Variants in PTPRD observed in about 807,000 individuals in gnomAD.
PTPRD encodes the protein protein tyrosine phosphatase receptor type D.
In PTPRD, 34 loss-of-function variants were observed where a neutral mutation model predicts 214.5. The ratio of observed to expected loss-of-function variants is 0.16; its 90% confidence interval spans 0.12 to 0.21. The LOEUF (loss-of-function observed/expected upper bound fraction) is 0.21. PTPRD is among the 10% of genes least tolerant of loss of function. PTPRD has a pLI of 1.00. For synonymous variants in PTPRD, 1,128 were observed against 845.7 expected (o/e 1.33, Z -5.79); for missense variants, 2,545 against 2,398.7 (o/e 1.06, Z -1.27).
chr9:8,331,704 C>G lies in PTPRD; in HGVS notation c.5412G>C (p.Gln1804His), dbSNP rs764915546. Residue 1804 changes from glutamine to histidine, a missense_variant, in exon 44 of 46, where the codon CAG becomes CAC. Transcript: ENST00000381196. ...CTCCTTGCTCTGGCCAGTCAGTGAACTGGAACTGCCTTACTGTTCGGGACT... is the reference window on the plus strand; with the variant it reads ...CTCCTTGCTCTGGCCAGTCAGTGAAGTGGAACTGCCTTACTGTTCGGGACT... ...DGQSRTVRQF[Q>H]FTDWPEQGVP... 1 of 1,613,068 alleles carries G rather than the reference C, an allele frequency of 6.2e-7. No individual in the cohort carries two copies. Among genetic ancestry groups the G allele is most frequent in the Non-Finnish European group, 8.5e-7 (1 of 1,179,546 alleles).
chr9:8,610,650 A>G (rs894347728), intron 14 of PTPRD, among the ~76,000 whole-genome samples: 7 of 152,204 alleles, frequency 4.6e-5, no homozygotes, highest in African/African-American at 1.7e-4. Context: ...ATTTACTCAT[A>G]AATATTCAGT....
chr9:8,795,078 C>T (rs1474288045), intron 11 of PTPRD, among the ~76,000 whole-genome samples: 1 of 152,022 alleles, frequency 6.6e-6, no homozygotes, highest in Non-Finnish European at 1.5e-5. Flanking sequence ...CTTCCGCATT[C>T]ATTTAAAGGC....
At chr9:10,326,638 A>C (rs2096648340) in intron 3 of PTPRD, among the ~76,000 whole-genome samples, 1 of 151,638 alleles carries the variant, frequency 6.6e-6, no homozygotes, top group Non-Finnish European at 1.5e-5. Context: ...TGAAAATATC[A>C]AAAATTATTG....
chr9:9,026,472 G>A (rs919516687), intron 10 of PTPRD, among the ~76,000 whole-genome samples: 4 of 151,986 alleles, frequency 2.6e-5, no homozygotes, highest in Non-Finnish European at 5.9e-5. Flanking sequence ...CTGTTAGACA[G>A]TTTAAGAAAC....
At chr9:10,490,433 T>C (rs1259340674) in intron 2 of PTPRD, among the ~76,000 whole-genome samples, 1 of 152,190 alleles carries the variant, frequency 6.6e-6, no homozygotes, top group Non-Finnish European at 1.5e-5. Flanking sequence ...AGGTCTTGTA[T>C]ATTATGCTTG....
intron 32 of PTPRD, among the ~76,000 whole-genome samples, chr9:8,461,378 G>A (rs2096396679): frequency 6.6e-6 from 1 of 152,186 alleles, no homozygotes; most frequent in South Asian, 2.1e-4. Flanking sequence ...GTTACTTGGA[G>A]AAGAAATGGA....
chr9:10,309,978 A>C (rs1210166451), intron 3 of PTPRD, among the ~76,000 whole-genome samples: 1 of 152,122 alleles, frequency 6.6e-6, no homozygotes, highest in Non-Finnish European at 1.5e-5. Context: ...TAATGAAATA[A>C]TATGTTCAGA....
In PTPRD at chr9:9,760,653, C is replaced by CAT. The variant is rs142175928; in HGVS notation, c.-326+6155_-326+6156dup. On this transcript the variant is annotated intron_variant, in intron 6 of 45. Transcript: ENST00000381196. ...ACACACACACACACACACACACACA[C>CAT]ATATATATATATATTCCAGCACTGT... 2.1e-3 allele frequency among the ~76,000 whole-genome samples: 126 copies of CAT among 61,358 alleles called. 2 individuals are homozygous for CAT. Among genetic ancestry groups the CAT allele is most frequent in the Middle Eastern group, 0.013 (1 of 80 alleles). The allele number at this position is 61,358 out of a possible 152,430, so 40.3% of individuals were successfully genotyped here.
chr9:8,455,094 A>G (rs950998398), intron 33 of PTPRD, among the ~76,000 whole-genome samples: 1 of 152,222 alleles, frequency 6.6e-6, no homozygotes, highest in Non-Finnish European at 1.5e-5. Flanking sequence ...GTATTGAACT[A>G]TACAGAAATT....
At chr9:9,457,442 A>T (rs909906979) in intron 8 of PTPRD, among the ~76,000 whole-genome samples, 2 of 151,980 alleles carry the variant, frequency 1.3e-5, no homozygotes, top group African/African-American at 4.8e-5. Context: ...TGAAAAATAT[A>T]ATTCTGTGTT....
chr9:9,625,403 C>T (rs960770710), intron 7 of PTPRD, among the ~76,000 whole-genome samples: 1 of 152,208 alleles, frequency 6.6e-6, no homozygotes, highest in East Asian at 1.9e-4. Context: ...GCTAGGAGTA[C>T]GTCTTCGCAC....
At chr9:9,047,415 T>C (rs879088946) in intron 10 of PTPRD, among the ~76,000 whole-genome samples, 1 of 152,058 alleles carries the variant, frequency 6.6e-6, no homozygotes, top group Non-Finnish European at 1.5e-5. Flanking sequence ...TAAAATTTCT[T>C]TGGAACCACA....
chr9:10,039,756 T>C (rs7856447), intron 3 of PTPRD, among the ~76,000 whole-genome samples: 32,972 of 151,728 alleles, frequency 0.22, 4,286 homozygotes, highest in East Asian at 0.5. Context: ...CCCCTTCTGA[T>C]TGAGATATAT....
intron 6 of PTPRD, among the ~76,000 whole-genome samples, chr9:9,755,741 T>C (rs1050208966): frequency 6.1e-4 from 93 of 152,088 alleles, no homozygotes; most frequent in Admixed American, 6.0e-3. Flanking sequence ...GAGGTTCTGA[T>C]ACAGCATAGG....
intron 3 of PTPRD, among the ~76,000 whole-genome samples, chr9:10,187,382 A>G (rs2099340956): frequency 1.3e-5 from 2 of 152,152 alleles, no homozygotes; most frequent in South Asian, 4.1e-4. Flanking sequence ...CCTGACTTTT[A>G]TTATATTAGG....
At chr9:10,029,296 T>A (rs951312754) in intron 4 of PTPRD, among the ~76,000 whole-genome samples, 3 of 151,886 alleles carry the variant, frequency 2.0e-5, no homozygotes, top group South Asian at 2.1e-4. Flanking sequence ...CCATACAGAG[T>A]CCCCACTGGG....
At chr9:8,332,625 G>A (rs1842583770) in intron 43 of PTPRD, among the ~76,000 whole-genome samples, 2 of 147,682 alleles carry the variant, frequency 1.4e-5, no homozygotes, top group Admixed American at 6.6e-5. Flanking sequence ...GTATATCTGG[G>A]TTGAAAAGAA....
chr9:10,346,696 C>T (rs1292496535), intron 2 of PTPRD, among the ~76,000 whole-genome samples: 1 of 152,130 alleles, frequency 6.6e-6, no homozygotes, highest in African/African-American at 2.4e-5. Flanking sequence ...TTCCCCATGC[C>T]TGTAAACTGA....
rs143852848 is a variant in PTPRD, at chr9:10,575,364, C to A, written c.-600+37034G>T. Reference sequence around the variant, plus strand: ...AATTAAAAAAGAACATAAAAAAGTTCTTTCTCTAGGAAAAAATGATGTGTT... The same window carrying A: ...AATTAAAAAAGAACATAAAAAAGTTATTTCTCTAGGAAAAAATGATGTGTT... On this transcript the variant is annotated intron_variant, in intron 2 of 45. Coordinates refer to ENST00000381196, the MANE Select transcript of PTPRD (RefSeq NM_002839.4). 1.2e-3 allele frequency among the ~76,000 whole-genome samples: 183 copies of A among 152,074 alleles called. No homozygotes were observed. The Middle Eastern group carries it at 0.034, about 28-fold the overall frequency.
Sources: gnomAD v4.1 joint callset for allele counts (sites outside exome capture counted in the v4.1 genomes callset) on GRCh38, gnomAD v4.1.1 for gene constraint, MANE v1.5 for transcripts, NCBI Gene and HGNC (gene_info 2026-07-23, HGNC 2026-07-21) for gene names.